The following ZNF713 variants were observed in gnomAD, a reference collection of about 807,000 sequenced individuals.
The protein encoded by ZNF713 is zinc finger protein 713.
A neutral mutation model predicts 28.7 loss-of-function variants in ZNF713; 21 were observed. That is an observed-to-expected ratio of 0.73 (90% CI 0.52 to 1.05). The LOEUF is 1.05. ZNF713 is among the 50% of genes least tolerant of loss of function. The pLI, the probability that ZNF713 is intolerant of heterozygous loss-of-function variation, is 0.00. For synonymous variants in ZNF713, 167 were observed against 178.0 expected (o/e 0.94, Z 0.49); for missense variants, 458 against 532.4 (o/e 0.86, Z 1.37).
chr7:55,932,060 G>C (rs767754664), intron 6 of ZNF713, among the ~76,000 whole-genome samples: 9 of 152,310 alleles, frequency 5.9e-5, no homozygotes, highest in Admixed American at 2.0e-4. Context: ...TGATAGTTTG[G>C]TTGAAATAAT....
intron 1 of ZNF713, among the ~76,000 whole-genome samples, chr7:55,891,130 T>C (rs1039438867): frequency 6.6e-6 from 1 of 152,228 alleles, no homozygotes; most frequent in Non-Finnish European, 1.5e-5. Context: ...ACTATTTGAT[T>C]AGTTCATCAG....
intron 6 of ZNF713, among the ~76,000 whole-genome samples, chr7:55,938,692 G>A (rs552853706): frequency 6.6e-6 from 1 of 152,152 alleles, no homozygotes; most frequent in African/African-American, 2.4e-5. Context: ...TCCCTGATAT[G>A]TCTTATTCTC....
At chr7:55,900,634 G>T (rs1299793963) in intron 1 of ZNF713, among the ~76,000 whole-genome samples, 1 of 152,146 alleles carries the variant, frequency 6.6e-6, no homozygotes, top group Admixed American at 6.6e-5. Context: ...TTAAAACGTG[G>T]ACTCTAAAAA....
chr7:55,923,090 C>T, intron 4 of ZNF713, 72 bp from the exon 5 acceptor site: 2 of 1,506,028 alleles, frequency 1.3e-6, no homozygotes, highest in South Asian at 1.4e-5. Flanking sequence ...TGGTGCTACA[C>T]TTTCATTCCC....
At position 55,923,173 on chromosome 7, in the gene ZNF713, G is replaced by T; in HGVS notation, c.99G>T (p.Thr33=). 6.2e-7 allele frequency: 1 copy of T among 1,611,970 alleles called. No individual in the cohort carries two copies. The highest frequency in any genetic ancestry group is 8.5e-7 in the Non-Finnish European group (1 of 1,179,178). ...GCTTGATGTTTCAGGAATCACTGAC[G>T]TTTCAGGATGTGGCCGTGGACTTCA... ...SQMVRSQESL[T]FQDVAVDFTR... is the part of the protein sequence containing the mutation. The change falls in exon 5 of 7, where the codon ACG becomes ACT. Residue 33 remains threonine, a synonymous_variant. Coordinates refer to ENST00000429591, the MANE Select transcript of ZNF713 (RefSeq NM_182633.3).
intron 6 of ZNF713, among the ~76,000 whole-genome samples, chr7:55,929,763 G>GGA (rs1233523159): frequency 6.6e-6 from 1 of 151,034 alleles, no homozygotes; most frequent in African/African-American, 2.4e-5. Flanking sequence ...AAAAAAAACT[G>GGA]GAGAGAGAGA....
intron 1 of ZNF713, among the ~76,000 whole-genome samples, chr7:55,900,258 A>G (rs1227491816): frequency 7.2e-5 from 11 of 152,086 alleles, no homozygotes; most frequent in Admixed American, 7.2e-4. Context: ...TCACGAGGTC[A>G]GGAGTTTGAG....
intron 4 of ZNF713, 140 bp from the exon 5 acceptor site, chr7:55,923,022 A>C (rs1786022301): frequency 2.4e-6 from 2 of 838,398 alleles, no homozygotes; most frequent in South Asian, 5.6e-5. Flanking sequence ...TTAAAAGAAA[A>C]GTTTGACCTG....
chr7:55,925,214 C>T (rs1786074023), intron 6 of ZNF713, among the ~76,000 whole-genome samples: 1 of 152,174 alleles, frequency 6.6e-6, no homozygotes, highest in Non-Finnish European at 1.5e-5. Context: ...GCTCTGGTAC[C>T]TGGCTTCATC....
At chr7:55,928,226 C>T (rs1786140075) in intron 6 of ZNF713, among the ~76,000 whole-genome samples, 1 of 152,126 alleles carries the variant, frequency 6.6e-6, no homozygotes, top group Non-Finnish European at 1.5e-5. Flanking sequence ...CTGCCCCATA[C>T]AGCTGTGGTT....
At chr7:55,912,265 G>A (rs905853558) in intron 3 of ZNF713, among the ~76,000 whole-genome samples, 197 bp downstream of exon 3, 8 of 152,184 alleles carry the variant, frequency 5.3e-5, no homozygotes, top group Non-Finnish European at 1.2e-4. Context: ...TACACTTAGA[G>A]TCACTTGGAG....
Position 55,941,660 on chromosome 7 carries a change from T to G in ZNF713, c.*1654T>G, listed in dbSNP as rs1185857124. On this transcript the variant is annotated 3_prime_UTR_variant, in exon 7 of 7. Coordinates refer to ENST00000429591, the MANE Select transcript of ZNF713 (RefSeq NM_182633.3). ...TTAGCCTTCTCCTAGGAAATACTAT[T>G]TAGCATATAAAATAAGTTATATGCT... 1 of 152,130 alleles carries G rather than the reference T, an allele frequency of 6.6e-6. No individual in the cohort carries two copies. Among genetic ancestry groups the G allele is most frequent in the Non-Finnish European group, 1.5e-5 (1 of 68,040 alleles). The allele number at this position is 152,130 out of a possible 1,614,324, so 9.4% of individuals were successfully genotyped here.
intron 6 of ZNF713, among the ~76,000 whole-genome samples, chr7:55,935,711 T>C (rs2116269709): frequency 6.6e-6 from 1 of 152,212 alleles, no homozygotes; most frequent in East Asian, 1.9e-4. Flanking sequence ...CCCAGCACTT[T>C]GGGAGGCCGA....
chr7:55,889,280 T>G (rs956097251), intron 1 of ZNF713, among the ~76,000 whole-genome samples: 1 of 152,070 alleles, frequency 6.6e-6, no homozygotes, highest in Non-Finnish European at 1.5e-5. Flanking sequence ...TTTTGTATTT[T>G]TAGTAGAGAC....
chr7:55,908,345 G>C (rs1273364793), intron 2 of ZNF713, among the ~76,000 whole-genome samples: 1 of 152,018 alleles, frequency 6.6e-6, no homozygotes, highest in Non-Finnish European at 1.5e-5. Flanking sequence ...GTTTCACCAT[G>C]TTGGTCAGGC....
At chr7:55,924,770 G>A (rs1302585859) in intron 6 of ZNF713, 3 of 152,230 alleles carry the variant, frequency 2.0e-5, no homozygotes, top group Non-Finnish European at 2.9e-5. Context: ...AGCTACTTGG[G>A]AGGCTGAGGC....
At chr7:55,914,710 GGGGACCATTGCA>G (rs66486856) in intron 4 of ZNF713, among the ~76,000 whole-genome samples, 3,434 of 152,234 alleles carry the variant, frequency 0.023, 62 homozygotes, top group African/African-American at 0.043. Context: ...AGAGAAAACG[GGGGACCATTGCA>G]GACAGGAAAT....
At chr7:55,922,537 C>CA (rs71015126) in intron 4 of ZNF713, among the ~76,000 whole-genome samples, 209 of 86,260 alleles carry the variant, frequency 2.4e-3, no homozygotes, top group South Asian at 4.0e-3. Context: ...GACTCTGTCT[C>CA]AAAAAAAAAA....
chr7:55,919,859 C>T (rs984799093), intron 4 of ZNF713, among the ~76,000 whole-genome samples: 1 of 151,334 alleles, frequency 6.6e-6, no homozygotes, highest in African/African-American at 2.5e-5. Flanking sequence ...CTCTCTACCT[C>T]AAGTGTATTT....
Sources: gnomAD v4.1 joint callset for allele counts (sites outside exome capture counted in the v4.1 genomes callset) on GRCh38, gnomAD v4.1.1 for gene constraint, MANE v1.5 for transcripts, NCBI Gene and HGNC (gene_info 2026-07-23, HGNC 2026-07-21) for gene names.